Variants in GLIS3 observed in about 807,000 individuals in gnomAD.
GLIS3 encodes zinc finger protein GLIS3.
Under a neutral mutation model 78.6 loss-of-function variants are expected in GLIS3, and 53 were observed. The ratio of observed to expected loss-of-function variants is 0.67; its 90% confidence interval spans 0.54 to 0.85. The LOEUF is 0.85. GLIS3 is among the 40% of genes least tolerant of loss of function. The pLI is 0.00. For missense variants in GLIS3, 1,703 were observed against 1,231.1 expected, an observed-to-expected ratio of 1.38 and a Z score of -5.74; for synonymous variants, 684 against 509.9, an observed-to-expected ratio of 1.34 and a Z score of -4.60.
intron 4 of GLIS3, among the ~76,000 whole-genome samples, chr9:4,088,667 A>G (rs1829243073): frequency 6.6e-6 from 1 of 152,250 alleles, no homozygotes; most frequent in African/African-American, 2.4e-5. Context: ...TCCTAATGCC[A>G]GAGAGTAAAG....
chr9:4,297,434 G>C (rs923945263), intron 1 of GLIS3, among the ~76,000 whole-genome samples: 1 of 152,140 alleles, frequency 6.6e-6, no homozygotes, highest in African/African-American at 2.4e-5. Context: ...GTCTCTCCTC[G>C]AGATTCCCGG....
rs16920153 is a variant in GLIS3, at chr9:3,962,353, T to C, written c.1711-25164A>G. On this transcript the variant is annotated intron_variant, in intron 4 of 10. Coordinates refer to ENST00000381971, the MANE Select transcript of GLIS3 (RefSeq NM_001042413.2). Reference sequence around the variant, plus strand: ...CAACTAAGTTTTCTTGGTGGTAGTATAGATTAGACACAATGACACTTTCTT... The same window carrying C: ...CAACTAAGTTTTCTTGGTGGTAGTACAGATTAGACACAATGACACTTTCTT... Among the ~76,000 whole-genome samples, 1,349 of 152,242 alleles carry C rather than the reference T, an allele frequency of 8.9e-3. 25 individuals are homozygous for C. Among genetic ancestry groups the C allele is most frequent in the African/African-American group, 0.031 (1,269 of 41,540 alleles).
intron 2 of GLIS3, among the ~76,000 whole-genome samples, chr9:4,311,421 A>C (rs914497530): frequency 6.6e-6 from 1 of 152,136 alleles, no homozygotes; most frequent in Non-Finnish European, 1.5e-5. Context: ...AAAAGTAACT[A>C]AATAAAGTGT....
At chr9:4,215,560 A>G (rs1430205905) in intron 2 of GLIS3, among the ~76,000 whole-genome samples, 2 of 152,104 alleles carry the variant, frequency 1.3e-5, no homozygotes, top group Non-Finnish European at 2.9e-5. Flanking sequence ...TCATTTTCCA[A>G]ATGTCCATCA....
At chr9:4,224,920 G>T (rs12115628) in intron 2 of GLIS3, among the ~76,000 whole-genome samples, 1 of 151,736 alleles carries the variant, frequency 6.6e-6, no homozygotes, top group Non-Finnish European at 1.5e-5. Context: ...CCAAGATTTA[G>T]ATCACGATTA....
chr9:4,158,759 A>G (rs1421801254), intron 2 of GLIS3, among the ~76,000 whole-genome samples: 1 of 152,232 alleles, frequency 6.6e-6, no homozygotes, highest in African/African-American at 2.4e-5. Context: ...GTGGTGAGAG[A>G]ATATACAATA....
At chr9:4,477,544 A>T in the GLIS3 span, among the ~76,000 whole-genome samples, 53 of 152,102 alleles carry the variant, frequency 3.5e-4, no homozygotes, top group African/African-American at 1.1e-3. Flanking sequence ...TCTCTGGAGT[A>T]GCTGGGACTG....
At chr9:4,438,163 A>C in the GLIS3 span, among the ~76,000 whole-genome samples, 1 of 152,216 alleles carries the variant, frequency 6.6e-6, no homozygotes, top group African/African-American at 2.4e-5. Flanking sequence ...GCTTCTTTTG[A>C]ATTTTGGAAA....
the GLIS3 span, among the ~76,000 whole-genome samples, chr9:4,394,416 T>C: frequency 6.6e-6 from 1 of 152,244 alleles, no homozygotes; most frequent in East Asian, 1.9e-4. Context: ...CTTCATTCTC[T>C]CAGGAAACAT....
In GLIS3 at chr9:4,066,350, A is replaced by G. The variant is rs151255308; in HGVS notation, c.1710+51418T>C. The stretch of plus-strand genomic sequence containing the variant: ...GCACCGTGGGTGGGAAATCCTCTGG[A>G]GTGCATATTCCTGTCTTATCTTTGA... On this transcript the variant is annotated intron_variant, in intron 4 of 10. Coordinates refer to ENST00000381971, the MANE Select transcript of GLIS3 (RefSeq NM_001042413.2). Among the ~76,000 whole-genome samples, 316 of 152,198 alleles carry G rather than the reference A, an allele frequency of 2.1e-3. 1 individual carries two copies. Among genetic ancestry groups the G allele is most frequent in the Middle Eastern group, 0.017 (5 of 294 alleles).
chr9:4,300,519 TGAAGCACTAAG>T (rs987689503), upstream of GLIS3, among the ~76,000 whole-genome samples: 19 of 152,096 alleles, frequency 1.2e-4, no homozygotes, highest in Admixed American at 3.3e-4. Flanking sequence ...ACTGGATAGG[TGAAGCACTAAG>T]GAAGGCTTTG....
At chr9:3,830,198 ATTCCT>A (rs1817965256) in intron 9 of GLIS3, among the ~76,000 whole-genome samples, 1 of 148,782 alleles carries the variant, frequency 6.7e-6, no homozygotes, top group Admixed American at 6.7e-5. Flanking sequence ...TATTTCATCT[ATTCCT>A]TTCAATTTTT....
intron 3 of GLIS3, chr9:4,123,886 T>C (rs1056369192): frequency 1.0e-5 from 4 of 397,556 alleles, no homozygotes; most frequent in African/African-American, 8.2e-5. Flanking sequence ...AAACAATACA[T>C]TTTGCAGCTT....
the GLIS3 span, among the ~76,000 whole-genome samples, chr9:4,478,004 C>T: frequency 3.3e-5 from 5 of 152,248 alleles, no homozygotes; most frequent in Non-Finnish European, 7.4e-5. Flanking sequence ...CAATGAGCCA[C>T]GATTACCAAG....
chr9:4,252,752 T>A lies in GLIS3; in HGVS notation c.388+33286A>T, dbSNP rs574043745. On this transcript the variant is annotated intron_variant, in intron 2 of 10. Transcript: ENST00000381971. ...TTTCCCTCATCTTCGTGGATTTATC[T>A]GTCTTTGGTCTTTGATGTTGGTGAC... 2.6e-5 allele frequency among the ~76,000 whole-genome samples: 4 copies of A among 152,358 alleles called. No homozygotes were observed. The East Asian group carries it at 7.7e-4, about 29-fold the overall frequency.
intron 4 of GLIS3, among the ~76,000 whole-genome samples, chr9:4,083,826 AC>A (rs1464866732): frequency 6.6e-6 from 1 of 152,102 alleles, no homozygotes; most frequent in Non-Finnish European, 1.5e-5. Flanking sequence ...AGCTTACAGT[AC>A]TCTTGCCCTA....
Position 3,827,319 on chromosome 9 carries a change from C to G in GLIS3, c.*953G>C, listed in dbSNP as rs1279027641. 1 of 152,242 alleles carries G rather than the reference C, an allele frequency of 6.6e-6. No individual in the cohort carries two copies. Among genetic ancestry groups the G allele is most frequent in the Non-Finnish European group, 1.5e-5 (1 of 68,054 alleles). The allele number at this position is 152,242 out of a possible 1,614,324, so 9.4% of individuals were successfully genotyped here. On this transcript the variant is annotated 3_prime_UTR_variant, in exon 11 of 11. Coordinates refer to ENST00000381971, the MANE Select transcript of GLIS3 (RefSeq NM_001042413.2). ...TCTGTCCCAGTTCTCACATCTGGCA[C>G]TTCTCTGGGTGCAGCACCAGAGTGG...
the GLIS3 span, among the ~76,000 whole-genome samples, chr9:4,432,050 C>A: frequency 6.6e-6 from 1 of 152,078 alleles, no homozygotes; most frequent in Non-Finnish European, 1.5e-5. Flanking sequence ...CACAGTTTGC[C>A]GACTTCTGCT....
At chr9:3,840,938 T>C (rs563750672) in intron 9 of GLIS3, among the ~76,000 whole-genome samples, 3 of 152,264 alleles carry the variant, frequency 2.0e-5, no homozygotes, top group Admixed American at 6.5e-5. Context: ...CTTAGACTTA[T>C]ATACTCATTT....
Sources: gnomAD v4.1 joint callset for allele counts (sites outside exome capture counted in the v4.1 genomes callset) on GRCh38, gnomAD v4.1.1 for gene constraint, MANE v1.5 for transcripts, NCBI Gene and HGNC (gene_info 2026-07-23, HGNC 2026-07-21) for gene names.